Variants in HPD observed in about 807,000 individuals in gnomAD.
The protein encoded by HPD is 4-hydroxyphenylpyruvic acid oxidase.
Under a neutral mutation model 56.9 loss-of-function variants are expected in HPD, and 35 were observed. That is an observed-to-expected ratio of 0.62 (90% CI 0.47 to 0.82). The LOEUF is 0.82. HPD is among the 40% of genes least tolerant of loss of function. The pLI is 0.00. For missense variants in HPD, 442 were observed against 506.8 expected, an observed-to-expected ratio of 0.87 and a Z score of 1.23; for synonymous variants, 186 against 200.2, an observed-to-expected ratio of 0.93 and a Z score of 0.60.
upstream of HPD, chr12:121,859,057 G>A (rs1878107613): frequency 1.7e-6 from 1 of 586,712 alleles, no homozygotes; most frequent in East Asian, 2.9e-5. Context: ...CCACTAGTCA[G>A]TGGGAGGCAG....
At chr12:121,857,965 G>C in intron 2 of HPD, 146 bp from the exon 3 acceptor site, 1 of 717,678 alleles carries the variant, frequency 1.4e-6, no homozygotes, top group Non-Finnish European at 2.5e-6. Context: ...GCCTTGCCAA[G>C]CCTCAAAAGA....
At chr12:121,870,716 C>T in the HPD span, among the ~76,000 whole-genome samples, 104 of 151,056 alleles carry the variant, frequency 6.9e-4, no homozygotes, top group African/African-American at 2.3e-3. Context: ...CCTGCCTCAG[C>T]CTCCTGAGTA....
At chr12:121,855,648 T>C (rs1176536025) in intron 6 of HPD, among the ~76,000 whole-genome samples, 1 of 143,220 alleles carries the variant, frequency 7.0e-6, no homozygotes, top group African/African-American at 2.6e-5. Flanking sequence ...ACCCAGGAGG[T>C]GGAGGTTGCA....
chr12:121,843,635 G>A (rs1476936985), intron 12 of HPD, 75 bp downstream of exon 12: 1 of 1,576,604 alleles, frequency 6.3e-7, no homozygotes, highest in Non-Finnish European at 8.7e-7. Context: ...TCCGGGCTGA[G>A]ACAATATTTC....
chr12:121,843,410 G>A (rs1011490102), intron 12 of HPD, among the ~76,000 whole-genome samples: 8 of 152,266 alleles, frequency 5.3e-5, no homozygotes, highest in South Asian at 4.1e-4. Flanking sequence ...GCCAGCTCCC[G>A]CTCATGATCT....
At chr12:121,865,494 C>A (rs1878302566), upstream of HPD, among the ~76,000 whole-genome samples, 1 of 149,932 alleles carries the variant, frequency 6.7e-6, no homozygotes, top group African/African-American at 2.4e-5. Flanking sequence ...GGTCTCACAC[C>A]CTGACCTCAC....
chr12:121,849,920 G>C (rs1877710718), intron 7 of HPD, 130 bp from the exon 8 acceptor site: 1 of 696,334 alleles, frequency 1.4e-6, no homozygotes, highest in Admixed American at 2.0e-5. Flanking sequence ...CGTGATCTTG[G>C]GTAAGTCACT....
Position 121,855,712 on chromosome 12 carries a change from G to GAC in HPD, c.324+610_324+611dup, listed in dbSNP as rs548562689. Among the ~76,000 whole-genome samples the GAC allele has an allele frequency of 9.4e-4, 139 of 147,938 alleles. 2 individuals carry two copies. In the South Asian group the frequency reaches 0.016, roughly 17 times the overall value. On this transcript the variant is annotated intron_variant, in intron 6 of 13. Coordinates refer to ENST00000289004, the MANE Select transcript of HPD (RefSeq NM_002150.3). ...AGCCTGGGCAACAGAGCAAGACTCT[G>GAC]ACACACACACACACACAAAAGAAAG...
At chr12:121,870,040 A>G in the HPD span, among the ~76,000 whole-genome samples, 5 of 150,934 alleles carry the variant, frequency 3.3e-5, no homozygotes, top group African/African-American at 1.2e-4. Flanking sequence ...GGCCTTCCAC[A>G]ATGCTGGGAT....
rs570445297 is a variant in HPD at position 121,849,015 on chromosome 12, C to T, written c.580G>A (p.Val194Met). 1.9e-5 allele frequency: 30 copies of T among 1,613,704 alleles called. 1 individual carries two copies. The highest frequency in any genetic ancestry group is 1.6e-4 in the African/African-American group (12 of 74,998). The change falls in exon 9 of 14, where the codon GTG (valine) becomes ATG (methionine). Residue 194 changes from valine to methionine, a missense_variant. Val to Met is a conservative substitution (Grantham distance 21, BLOSUM62 1). Coordinates refer to ENST00000289004, the MANE Select transcript of HPD (RefSeq NM_002150.3). ...AGGTCTCACCATTCGGAGGCGGACA[C>T]CATCTCCTGATCAGGCTGGTTTCCC... Reference protein sequence around the residue: ...IVGNQPDQEMVSASEWYLKNL... With the variant: ...IVGNQPDQEMMSASEWYLKNL...
chr12:121,842,138 A>G (rs944708182), intron 12 of HPD, among the ~76,000 whole-genome samples: 1 of 151,644 alleles, frequency 6.6e-6, no homozygotes, highest in Admixed American at 6.6e-5. Context: ...TTGGGGTGAC[A>G]AAAATGTTCT....
At chr12:121,885,015 C>A in the HPD span, among the ~76,000 whole-genome samples, 2 of 152,060 alleles carry the variant, frequency 1.3e-5, no homozygotes, top group South Asian at 4.2e-4. Flanking sequence ...CTCAGTCTCC[C>A]GAGTAGCTGG....
At position 121,851,892 on chromosome 12, in the gene HPD, T is replaced by TG. The variant is rs1358050011; in HGVS notation, c.415-2103_415-2102insC. On this transcript the variant is annotated intron_variant, in intron 7 of 13. Coordinates refer to ENST00000289004, the MANE Select transcript of HPD (RefSeq NM_002150.3). ...GCCCGGCTACTTTTTTGTATTTTTT[T>TG]TTTTTTTTTTTTAGTAGAGACGGGG... Among the ~76,000 whole-genome samples, 134 of 30,312 alleles carry TG rather than the reference T, an allele frequency of 4.4e-3. 1 individual carries two copies. Among genetic ancestry groups the TG allele is most frequent in the Admixed American group, 8.3e-3 (31 of 3,724 alleles). 19.9% of individuals were successfully genotyped at this position (30,312 alleles called of 152,430 possible). A position where few individuals can be genotyped will look rare whatever the true frequency, so the allele number is the denominator to read the frequency against.
At chr12:121,882,570 A>G in the HPD span, among the ~76,000 whole-genome samples, 1 of 152,210 alleles carries the variant, frequency 6.6e-6, no homozygotes, top group Non-Finnish European at 1.5e-5. Flanking sequence ...ATTTGAAGAT[A>G]AACAAGCCTC....
intron 12 of HPD, among the ~76,000 whole-genome samples, chr12:121,840,870 C>T (rs1402201949): frequency 6.6e-6 from 1 of 151,014 alleles, no homozygotes; most frequent in Non-Finnish European, 1.5e-5. Context: ...GCCTGGCCAA[C>T]ATGGGGAAAC....
At chr12:121,852,652 T>TTTTTTTTTTTTGG (rs1877834622) in intron 7 of HPD, among the ~76,000 whole-genome samples, 1 of 93,092 alleles carries the variant, frequency 1.1e-5, no homozygotes, top group African/African-American at 4.2e-5. Flanking sequence ...TTTTTTTTTT[T>TTTTTTTTTTTTGG]GAGAGGGAGT....
At chr12:121,871,623 T>G in the HPD span, among the ~76,000 whole-genome samples, 103 of 152,204 alleles carry the variant, frequency 6.8e-4, 1 homozygote, top group Non-Finnish European at 2.4e-4. Flanking sequence ...CAGGGCCACT[T>G]AGGTGGGGCT....
At chr12:121,878,142 T>C in the HPD span, among the ~76,000 whole-genome samples, 1 of 152,216 alleles carries the variant, frequency 6.6e-6, no homozygotes, top group Non-Finnish European at 1.5e-5. Flanking sequence ...TACTAAATGC[T>C]GCTGAATGTT....
chr12:121,856,387 C>G lies in HPD; in HGVS notation c.261G>C (p.Val87=). Residue 87 remains valine (V), a synonymous_variant, in exon 6 of 14, where the codon GTG becomes GTC. Transcript: ENST00000289004. ...TGTCCTTCACTCCGTCACCGTGTTTCACCAGGTGATCGCCCATCTCTGTGG... is the reference window on the plus strand; with the variant it reads ...TGTCCTTCACTCCGTCACCGTGTTTGACCAGGTGATCGCCCATCTCTGTGG... The part of the protein sequence containing the change: ...PWNKEMGDHL[V]KHGDGVKDIA... 6.2e-7 allele frequency: 1 copy of G among 1,614,120 alleles called. No homozygotes were observed. Among genetic ancestry groups the G allele is most frequent in the African/African-American group, 1.3e-5 (1 of 75,056 alleles).
Sources: allele counts gnomAD v4.1 joint callset (sites outside exome capture counted in the v4.1 genomes callset), GRCh38; gene constraint gnomAD v4.1.1; transcripts MANE v1.5; gene names NCBI Gene and HGNC (gene_info 2026-07-23, HGNC 2026-07-21).